Variants in MCM5 observed in about 807,000 individuals in gnomAD.
MCM5 encodes DNA replication licensing factor MCM5.
Under a neutral mutation model 79.9 loss-of-function variants are expected in MCM5, and 46 were observed. The observed-to-expected ratio is 0.58, with a 90% CI of 0.45 to 0.74. The LOEUF is 0.74. Among genes scored for constraint, MCM5 ranks in the 30% least tolerant of loss-of-function variants. The pLI is 0.00. For synonymous variants in MCM5, 404 were observed against 390.5 expected, an observed-to-expected ratio of 1.03 and a Z score of -0.41; for missense variants, 883 against 1,017.0, an observed-to-expected ratio of 0.87 and a Z score of 1.79.
intron 7 of MCM5, 82 bp downstream of exon 7, chr22:35,410,992 C>A: frequency 7.7e-7 from 1 of 1,306,880 alleles, no homozygotes; most frequent in Non-Finnish European, 1.0e-6. Context: ...CTCGTTACTT[C>A]ATGAGGTAGC....
chr22:35,448,413 C>T, the MCM5 span, among the ~76,000 whole-genome samples: 1 of 152,190 alleles, frequency 6.6e-6, no homozygotes, highest in Non-Finnish European at 1.5e-5. Context: ...CATCCCTCCC[C>T]TCTTCCAGCA....
the MCM5 span, among the ~76,000 whole-genome samples, chr22:35,436,996 G>A: frequency 1.7e-5 from 2 of 116,334 alleles, no homozygotes; most frequent in East Asian, 4.5e-4. Context: ...CTCCTTCAGA[G>A]GACATGAGGA....
rs780527621 is a variant in MCM5, at chr22:35,403,181, C to T, written c.168-26C>T. 6.8e-6 allele frequency: 11 copies of T among 1,612,636 alleles called. No homozygotes were observed. The Admixed American group carries it at 8.3e-5, about 12-fold the overall frequency. ...TTCCTCTTCTTTGCACCCTTCCTGC[C>T]CCACCCTGCTATGTGCCCACTCCAG... On this transcript the variant is annotated intron_variant, in intron 2 of 16. Coordinates refer to ENST00000216122, the MANE Select transcript of MCM5 (RefSeq NM_006739.4).
At chr22:35,428,970 CTTTTTTTTTT>C (rs35549972), downstream of MCM5, among the ~76,000 whole-genome samples, 10 of 65,516 alleles carry the variant, frequency 1.5e-4, no homozygotes, top group East Asian at 4.5e-4. Context: ...TTTCTTTGAC[CTTTTTTTTTT>C]TTTTTTTTTT....
At chr22:35,443,814 T>C in the MCM5 span, among the ~76,000 whole-genome samples, 10 of 152,276 alleles carry the variant, frequency 6.6e-5, no homozygotes, top group Non-Finnish European at 1.5e-4. Flanking sequence ...GAATTCCTCC[T>C]TCAGGATGGT....
intron 11 of MCM5, 48 bp from the exon 12 acceptor site, chr22:35,416,590 G>A: frequency 7.1e-7 from 1 of 1,414,734 alleles, no homozygotes; most frequent in African/African-American, 1.4e-5. Flanking sequence ...TATATAAGAA[G>A]GCATCTTTGC....
chr22:35,423,213 G>T lies in MCM5; in HGVS notation c.1976-1G>T. The T allele has an allele frequency of 6.3e-7, 1 of 1,578,386 alleles. No individual in the cohort carries two copies. Among genetic ancestry groups the T allele is most frequent in the Non-Finnish European group, 8.6e-7 (1 of 1,156,964 alleles). ...GCTGCCTCACTTCTCCATGCCCACA[G>T]GGGTGGAGGGCTTCACCAGCCAGGA... On this transcript the variant is annotated splice_acceptor_variant, in intron 15 of 16. Transcript: ENST00000216122. LOFTEE classifies it high-confidence loss of function.
chr22:35,441,055 CAAAAAAA>C, the MCM5 span, among the ~76,000 whole-genome samples: 16 of 96,162 alleles, frequency 1.7e-4, no homozygotes, highest in East Asian at 9.9e-4. Flanking sequence ...GAAACTCTGT[CAAAAAAA>C]AAAAAAAAAA....
downstream of MCM5, among the ~76,000 whole-genome samples, chr22:35,426,275 C>A (rs1569072280): frequency 2.0e-5 from 3 of 152,186 alleles, no homozygotes; most frequent in Admixed American, 1.3e-4. Flanking sequence ...CAGGGAAACA[C>A]CTGCTTGTTG....
the MCM5 span, among the ~76,000 whole-genome samples, chr22:35,438,060 A>G: frequency 6.6e-6 from 1 of 152,140 alleles, no homozygotes; most frequent in Non-Finnish European, 1.5e-5. Context: ...AAGATCTTCC[A>G]GGCAGAAGGA....
At chr22:35,400,750 G>A (rs1293682381) in intron 2 of MCM5, 145 bp downstream of exon 2, 6 of 758,324 alleles carry the variant, frequency 7.9e-6, no homozygotes, top group Non-Finnish European at 1.2e-5. Flanking sequence ...GCTCATCCCG[G>A]CAGCCTCACG....
the MCM5 span, among the ~76,000 whole-genome samples, chr22:35,451,519 A>G: frequency 6.6e-6 from 1 of 152,210 alleles, no homozygotes; most frequent in Non-Finnish European, 1.5e-5. Flanking sequence ...CTGACTCATG[A>G]CAAGCCCCAG....
At chr22:35,437,140 A>C in the MCM5 span, among the ~76,000 whole-genome samples, 5 of 152,140 alleles carry the variant, frequency 3.3e-5, no homozygotes, top group Admixed American at 3.3e-4. Flanking sequence ...CCTCCCCCTT[A>C]CAGGAAGTGC....
At chr22:35,410,587 C>A (rs988127383) in intron 6 of MCM5, 157 bp from the exon 7 acceptor site, 3 of 717,802 alleles carry the variant, frequency 4.2e-6, no homozygotes, top group South Asian at 3.0e-5. Context: ...AGAGGCCGTT[C>A]TCTGGGCTCC....
At chr22:35,401,786 C>A in intron 2 of MCM5, 2 of 450,512 alleles carry the variant, frequency 4.4e-6, no homozygotes, top group Non-Finnish European at 9.2e-6. Flanking sequence ...AGATAACTTC[C>A]ACGGTGGTCA....
intron 7 of MCM5, chr22:35,411,265 G>C (rs916011638): frequency 5.6e-6 from 1 of 180,084 alleles, no homozygotes; most frequent in African/African-American, 2.4e-5. Context: ...GGAGAAATAA[G>C]AAAACTGTGA....
At chr22:35,421,219 T>C in intron 14 of MCM5, 99 bp from the exon 15 acceptor site, 2 of 1,303,884 alleles carry the variant, frequency 1.5e-6, no homozygotes, top group Non-Finnish European at 2.1e-6. Flanking sequence ...TCCACCACAG[T>C]CTTACCACTT....
intron 16 of MCM5, 36 bp downstream of exon 16, chr22:35,423,377 C>T (rs755367401): frequency 1.3e-5 from 21 of 1,561,102 alleles, no homozygotes; most frequent in East Asian, 4.7e-5. Context: ...TGAGCCGGCA[C>T]GGGGTGCAGG....
chr22:35,405,989 C>T (rs1012920906), intron 4 of MCM5, among the ~76,000 whole-genome samples: 28 of 149,512 alleles, frequency 1.9e-4, no homozygotes, highest in South Asian at 4.2e-4. Context: ...CCAGCCTTGG[C>T]GACACAGCAA....
Sources: gnomAD v4.1 joint callset for allele counts (sites outside exome capture counted in the v4.1 genomes callset) on GRCh38, gnomAD v4.1.1 for gene constraint, MANE v1.5 for transcripts, NCBI Gene and HGNC (gene_info 2026-07-23, HGNC 2026-07-21) for gene names.